The following STX18 variants were observed in gnomAD, a reference collection of about 807,000 sequenced individuals.
The protein encoded by STX18 is syntaxin-18.
STX18 carries 40 observed loss-of-function variants against 50.1 expected under a neutral mutation model. The ratio of observed to expected loss-of-function variants is 0.80; its 90% confidence interval spans 0.62 to 1.04. STX18 has a LOEUF of 1.04. Ranked by LOEUF, STX18 falls within the 50% of genes least tolerant of loss-of-function variation. The probability of loss-of-function intolerance (pLI) is 0.00; values close to 1 mark genes in which losing one functional copy is unlikely to be tolerated. For missense variants in STX18, 410 were observed against 415.8 expected (o/e 0.99, Z 0.12); for synonymous variants, 158 against 151.8 (o/e 1.04, Z -0.30).
At chr4:4,453,597 C>T in intron 5 of STX18, 1 of 824,884 alleles carries the variant, frequency 1.2e-6, no homozygotes, top group Middle Eastern at 6.3e-4. Flanking sequence ...GTGATATTCA[C>T]TTTGTTGCTG....
chr4:4,517,675 C>A (rs1730334713), intron 1 of STX18, among the ~76,000 whole-genome samples: 1 of 152,126 alleles, frequency 6.6e-6, no homozygotes, highest in Admixed American at 6.5e-5. Context: ...TTTTTAAAAA[C>A]CACTAATTTC....
intron 1 of STX18, among the ~76,000 whole-genome samples, chr4:4,540,908 C>G (rs746140196): frequency 6.6e-6 from 1 of 152,154 alleles, no homozygotes; most frequent in Non-Finnish European, 1.5e-5. Context: ...TAGGGTCCCT[C>G]TCTTCAATCT....
chr4:4,437,871 C>T (rs560138111), intron 6 of STX18, among the ~76,000 whole-genome samples: 2 of 152,360 alleles, frequency 1.3e-5, no homozygotes, highest in South Asian at 4.1e-4. Flanking sequence ...CATGGAGACC[C>T]TGTATTTCTT....
At chr4:4,445,340 AG>A (rs1171806947) in intron 5 of STX18, among the ~76,000 whole-genome samples, 1 of 151,184 alleles carries the variant, frequency 6.6e-6, no homozygotes, top group Non-Finnish European at 1.5e-5. Context: ...CGGGAGGTGG[AG>A]GTTGCAGTGA....
intron 1 of STX18, among the ~76,000 whole-genome samples, chr4:4,504,125 G>A (rs183441126): frequency 7.2e-5 from 11 of 152,290 alleles, no homozygotes; most frequent in Non-Finnish European, 1.3e-4. Flanking sequence ...AGCATACCAT[G>A]AGAGCTGCCT....
chr4:4,456,997 G>T (rs1002427113), intron 5 of STX18, among the ~76,000 whole-genome samples, 194 bp downstream of exon 5: 1 of 152,190 alleles, frequency 6.6e-6, no homozygotes, highest in African/African-American at 2.4e-5. Flanking sequence ...TGCCTCATGG[G>T]GGTTTGTTGT....
intron 5 of STX18, chr4:4,453,516 C>T (rs143384607): frequency 2.0e-3 from 360 of 175,708 alleles, no homozygotes; most frequent in Non-Finnish European, 3.5e-3. Flanking sequence ...AATGTTATTG[C>T]ACACTTTATA....
intron 5 of STX18, among the ~76,000 whole-genome samples, chr4:4,440,390 T>C (rs1210474832): frequency 6.6e-6 from 1 of 152,194 alleles, no homozygotes. Flanking sequence ...AACTGAGGTG[T>C]AGAGAAGTTA....
At position 4,420,818 on chromosome 4, in the gene STX18, T is replaced by C; in HGVS notation, c.912+46A>G. 1.3e-6 allele frequency: 2 copies of C among 1,546,844 alleles called. No individual in the cohort carries two copies. The highest frequency in any genetic ancestry group is 1.8e-6 in the Non-Finnish European group (2 of 1,119,332). ...CGAGACTAACACCCGCTGCTGGGAC[T>C]CAGTGCTGCGCCACGTCGCACCTGG... On this transcript the variant is annotated intron_variant, in intron 10 of 10. Transcript: ENST00000306200. The surrounding 1 kb of genome is among the most constrained non-coding windows in gnomAD (Gnocchi z 4.3).
intron 1 of STX18, among the ~76,000 whole-genome samples, chr4:4,485,318 A>G (rs1029973755): frequency 2.0e-5 from 3 of 152,178 alleles, no homozygotes; most frequent in Admixed American, 1.3e-4. Context: ...TCTTCATTTC[A>G]TCACTATTTC....
intron 5 of STX18, among the ~76,000 whole-genome samples, chr4:4,440,833 C>A (rs927442985): frequency 6.6e-6 from 1 of 152,128 alleles, no homozygotes; most frequent in Non-Finnish European, 1.5e-5. Context: ...AAACTTAGTG[C>A]CTTGAAACAG....
chr4:4,519,119 CA>C (rs1389435608), intron 1 of STX18, among the ~76,000 whole-genome samples: 1 of 152,064 alleles, frequency 6.6e-6, no homozygotes, highest in Non-Finnish European at 1.5e-5. Context: ...GGTGTGACCA[CA>C]GTAACAAACA....
chr4:4,500,816 A>G (rs1380272213), intron 1 of STX18, among the ~76,000 whole-genome samples: 2 of 152,186 alleles, frequency 1.3e-5, no homozygotes, highest in Non-Finnish European at 2.9e-5. Flanking sequence ...TGGGTGGATC[A>G]CCTGAGGTCA....
chr4:4,422,863 A>T (rs1725039870), intron 9 of STX18, among the ~76,000 whole-genome samples: 1 of 152,240 alleles, frequency 6.6e-6, no homozygotes, highest in Non-Finnish European at 1.5e-5. Context: ...AAAATACTGG[A>T]GAAAATTTTG....
chr4:4,423,621 T>C (rs370339470), intron 8 of STX18, 34 bp from the exon 9 acceptor site: 1 of 1,594,578 alleles, frequency 6.3e-7, no homozygotes, highest in South Asian at 1.1e-5. Context: ...TATTAACTAT[T>C]AGCACTTGGT....
chr4:4,517,385 T>C (rs1334068611), intron 1 of STX18, among the ~76,000 whole-genome samples: 4 of 152,190 alleles, frequency 2.6e-5, no homozygotes, highest in Non-Finnish European at 4.4e-5. Flanking sequence ...CCAAAAAGTT[T>C]GTATATTTTA....
At chr4:4,484,051 AT>A (rs1411923668) in intron 1 of STX18, among the ~76,000 whole-genome samples, 1 of 152,146 alleles carries the variant, frequency 6.6e-6, no homozygotes, top group Non-Finnish European at 1.5e-5. Context: ...TTTAGTAGAG[AT>A]GGGGTTTCAC....
chr4:4,432,692 C>T (rs1368796919), intron 7 of STX18, among the ~76,000 whole-genome samples: 1 of 152,260 alleles, frequency 6.6e-6, no homozygotes, highest in African/African-American at 2.4e-5. Context: ...TCCAGTCAGA[C>T]AGTACACTGT....
intron 2 of STX18, among the ~76,000 whole-genome samples, chr4:4,466,753 C>T (rs1037069512): frequency 1.4e-4 from 22 of 152,162 alleles, no homozygotes; most frequent in African/African-American, 4.8e-4. Flanking sequence ...TCATCTTGCC[C>T]ACCGCCCAGA....
Sources: allele counts gnomAD v4.1 joint callset (sites outside exome capture counted in the v4.1 genomes callset), GRCh38; gene constraint gnomAD v4.1.1; non-coding constraint Gnocchi (gnomAD v3.1); transcripts MANE v1.5; gene names NCBI Gene and HGNC (gene_info 2026-07-23, HGNC 2026-07-21).